The following NISCH variants were observed in gnomAD, a reference collection of about 807,000 sequenced individuals.
NISCH encodes I-1 receptor candidate protein.
NISCH carries 55 observed loss-of-function variants against 138.4 expected under a neutral mutation model. The ratio of observed to expected loss-of-function variants is 0.40; its 90% confidence interval spans 0.32 to 0.50. The LOEUF is 0.50. Among genes scored for constraint, NISCH ranks in the 20% least tolerant of loss-of-function variants. NISCH has a pLI of 0.71. For synonymous variants in NISCH, 860 were observed against 861.5 expected (o/e 1.00, Z 0.03); for missense variants, 1,643 against 2,005.5 (o/e 0.82, Z 3.45).
chr3:52,469,803 TA>T (rs1354368253), intron 3 of NISCH, among the ~76,000 whole-genome samples: 1 of 151,718 alleles, frequency 6.6e-6, no homozygotes, highest in Non-Finnish European at 1.5e-5. Flanking sequence ...TACTACCAAC[TA>T]CTTGGGAGGC....
chr3:52,491,235 C>A (rs1382136385), intron 19 of NISCH, 117 bp from the exon 20 acceptor site: 1 of 1,430,940 alleles, frequency 7.0e-7, no homozygotes, highest in African/African-American at 1.4e-5. Flanking sequence ...CCTGTGTGGG[C>A]CCTCCTGGCC....
intron 3 of NISCH, among the ~76,000 whole-genome samples, chr3:52,467,796 T>C (rs1706830324): frequency 6.6e-6 from 1 of 152,220 alleles, no homozygotes; most frequent in Admixed American, 6.5e-5. Context: ...GGTGATTTCA[T>C]TTTTCTTTTA....
At chr3:52,466,085 T>C (rs1706771930) in intron 3 of NISCH, among the ~76,000 whole-genome samples, 1 of 152,246 alleles carries the variant, frequency 6.6e-6, no homozygotes, top group Non-Finnish European at 1.5e-5. Context: ...ATTTCCATAA[T>C]TTGTTTTAGT....
At chr3:52,467,017 T>TGA (rs1706800259) in intron 3 of NISCH, among the ~76,000 whole-genome samples, 1 of 149,678 alleles carries the variant, frequency 6.7e-6, no homozygotes, top group Non-Finnish European at 1.5e-5. Context: ...TTTTTTTTTT[T>TGA]GAGACAGAGT....
In NISCH at chr3:52,476,458, TC is replaced by T; in HGVS notation, c.779del (p.Pro260LeufsTer16). 4 of 1,614,132 alleles carry T rather than the reference TC, an allele frequency of 2.5e-6. No individual in the cohort carries two copies. The highest frequency in any genetic ancestry group is 3.4e-6 in the Non-Finnish European group (4 of 1,179,996). ...ATGTTTTTATGCAGGAAGTCCTTGT[TC>T]CTGAAGCCTCAGAATTTGATGAGTG... ...SATSMKEVLV[P>X]EASEFDEWEP... On this transcript the variant is annotated frameshift_variant, in exon 8 of 21. Transcript: ENST00000345716. LOFTEE classifies it high-confidence loss of function.
chr3:52,472,314 A>G lies in NISCH; in HGVS notation c.585A>G (p.Thr195=), dbSNP rs1445713600. 8 of 1,614,052 alleles carry G rather than the reference A, an allele frequency of 5.0e-6. No individual in the cohort carries two copies. The highest frequency in any genetic ancestry group is 6.8e-6 in the Non-Finnish European group (8 of 1,180,044). Reference sequence around the variant, plus strand: ...ATCTTTGGCTTCAGGTTTCTGGCACAGAAGGACCTTTTGGGACCAGCAACA... The same window carrying G: ...ATCTTTGGCTTCAGGTTTCTGGCACGGAAGGACCTTTTGGGACCAGCAACA... The part of the protein sequence containing the change: ...CRLKYLKVSG[T]EGPFGTSNIQ... The change falls in exon 6 of 21, where the codon ACA becomes ACG. Residue 195 remains threonine, a synonymous_variant. Coordinates refer to ENST00000345716, the MANE Select transcript of NISCH (RefSeq NM_007184.4).
chr3:52,488,740 C>G (rs1707482216), intron 16 of NISCH, 135 bp downstream of exon 16: 1 of 728,532 alleles, frequency 1.4e-6, no homozygotes, highest in South Asian at 1.9e-5. Flanking sequence ...CTCGCCCCCC[C>G]CGGGCCTCCC....
chr3:52,481,850 G>A (rs530511072), intron 13 of NISCH: 18 of 985,410 alleles, frequency 1.8e-5, no homozygotes, highest in Non-Finnish European at 2.0e-5. Flanking sequence ...CCCCGCCATC[G>A]CTGGACTTCT....
Position 52,484,132 on chromosome 3 carries a change from A to G in NISCH, c.1529-381A>G, listed in dbSNP as rs1707347754. On this transcript the variant is annotated intron_variant, in intron 13 of 20. Transcript: ENST00000345716. ...TTTTTGTAATCTGTAAGAACTTTTT[A>G]CAGACTAGCGATATAAATCCTTGTC... 1.7e-5 allele frequency: 3 copies of G among 179,902 alleles called. No individual in the cohort carries two copies. In the South Asian group the frequency reaches 4.0e-4, roughly 24 times the overall value. The allele number at this position is 179,902 out of a possible 1,614,324, so 11.1% of individuals were successfully genotyped here. A position where few individuals can be genotyped will look rare whatever the true frequency, so the allele number is the denominator to read the frequency against.
intron 3 of NISCH, among the ~76,000 whole-genome samples, chr3:52,464,898 C>A (rs986842274): frequency 2.0e-5 from 3 of 151,762 alleles, no homozygotes; most frequent in African/African-American, 7.3e-5. Context: ...GAACTCCTGA[C>A]CTTAGGTGAT....
chr3:52,485,063 G>T (rs577907181), intron 14 of NISCH, among the ~76,000 whole-genome samples: 4 of 152,126 alleles, frequency 2.6e-5, no homozygotes, highest in Non-Finnish European at 5.9e-5. Context: ...GCGCCTTTCC[G>T]CATGTCACCC....
intron 18 of NISCH, 38 bp downstream of exon 18, chr3:52,490,269 T>C: frequency 6.2e-7 from 1 of 1,604,164 alleles, no homozygotes; most frequent in Non-Finnish European, 8.5e-7. Context: ...GAGCTTGGAG[T>C]GTGTGGTTGG....
chr3:52,485,852 C>T (rs1328094998), intron 15 of NISCH, 25 bp downstream of exon 15: 5 of 1,564,662 alleles, frequency 3.2e-6, no homozygotes, highest in Non-Finnish European at 4.3e-6. Flanking sequence ...GGAAAGGGAC[C>T]TGGGCCTGGC....
At chr3:52,479,720 T>C in intron 11 of NISCH, 29 bp from the exon 12 acceptor site, 1 of 1,544,884 alleles carries the variant, frequency 6.5e-7, no homozygotes, top group East Asian at 2.3e-5. Flanking sequence ...CCAGTCCCCA[T>C]GCTGATAGCC....
In NISCH at chr3:52,489,694, T is replaced by C. The variant is rs751758646; in HGVS notation, c.3456+16T>C. 1 of 1,605,544 alleles carries C rather than the reference T, an allele frequency of 6.2e-7. No homozygotes were observed. The highest frequency in any genetic ancestry group is 1.1e-5 in the South Asian group (1 of 90,350). On this transcript the variant is annotated intron_variant, in intron 17 of 20. Coordinates refer to ENST00000345716, the MANE Select transcript of NISCH (RefSeq NM_007184.4). The stretch of plus-strand genomic sequence containing the variant: ...CATTGCTGAGGTAGCGGCCCGGGTG[T>C]GGGTGCCAGCTATGGCACGGCCAGT...
At chr3:52,464,118 C>T (rs1019467011) in intron 3 of NISCH, among the ~76,000 whole-genome samples, 29 of 151,610 alleles carry the variant, frequency 1.9e-4, no homozygotes, top group African/African-American at 6.1e-4. Flanking sequence ...CAGATTGGGC[C>T]GGGCGCGGGT....
intron 20 of NISCH, 66 bp from the exon 21 acceptor site, chr3:52,491,806 C>A (rs1707571235): frequency 3.3e-6 from 5 of 1,517,066 alleles, no homozygotes; most frequent in Non-Finnish European, 4.4e-6. Context: ...GGCTTGGGGC[C>A]CTTGGTGCTC....
At position 52,473,590 on chromosome 3, in the gene NISCH, CTT is replaced by C. The variant is rs1433668262; in HGVS notation, c.670-142_670-141del. ...GCACTGACACTGGGAAAAAGAGACA[CTT>C]TGGTCTTGAGTGGCCTCCCATCTCT... On this transcript the variant is annotated intron_variant, in intron 6 of 20. Transcript: ENST00000345716. 5 of 539,028 alleles carry C rather than the reference CTT, an allele frequency of 9.3e-6. No individual in the cohort carries two copies. In the African/African-American group the frequency reaches 9.4e-5, roughly 10 times the overall value. The allele number at this position is 539,028 out of a possible 1,614,324, so 33.4% of individuals were successfully genotyped here. A position where few individuals can be genotyped will look rare whatever the true frequency, so the allele number is the denominator to read the frequency against.
At chr3:52,489,175 C>T (rs758058018) in intron 16 of NISCH, among the ~76,000 whole-genome samples, 161 bp from the exon 17 acceptor site, 5 of 152,238 alleles carry the variant, frequency 3.3e-5, no homozygotes, top group African/African-American at 9.6e-5. Flanking sequence ...CCACCGTGCC[C>T]GGCCGTGCTG....
Sources: gnomAD v4.1 joint callset for allele counts (sites outside exome capture counted in the v4.1 genomes callset) on GRCh38, gnomAD v4.1.1 for gene constraint, MANE v1.5 for transcripts, NCBI Gene and HGNC (gene_info 2026-07-23, HGNC 2026-07-21) for gene names.